The following TP53BP1 variants were observed in gnomAD, a reference collection of about 807,000 sequenced individuals.
TP53BP1 encodes the protein TP53-binding protein 1.
In TP53BP1, 61 loss-of-function variants were observed where a neutral mutation model predicts 200.8. That is an observed-to-expected ratio of 0.30 (90% CI 0.25 to 0.38). The LOEUF (loss-of-function observed/expected upper bound fraction) is 0.38, where lower values mean the gene tolerates loss of function less well. TP53BP1 is among the 10% of genes least tolerant of loss of function. TP53BP1 has a pLI of 1.00. For missense variants in TP53BP1, 2,144 were observed against 2,371.9 expected (o/e 0.90, Z 2.00); for synonymous variants, 822 against 844.3 (o/e 0.97, Z 0.46).
Position 43,406,609 on chromosome 15 carries a change from C to T in TP53BP1, c.*774G>A, listed in dbSNP as rs1251133263. On this transcript the variant is annotated 3_prime_UTR_variant, in exon 28 of 28. Transcript: ENST00000382044. ...TCTTTGACCCTTTACAGAAAAAAAC[C>T]TTGTTGACCCCTGCTTTAGAGAATG... 1 of 455,830 alleles carries T rather than the reference C, an allele frequency of 2.2e-6. No individual in the cohort carries two copies. The highest frequency in any genetic ancestry group is 4.4e-6 in the Non-Finnish European group (1 of 226,758). 28.2% of individuals were successfully genotyped at this position (455,830 alleles called of 1,614,324 possible).
chr15:43,446,643 C>G, intron 13 of TP53BP1, 53 bp from the exon 14 acceptor site: 1 of 1,586,224 alleles, frequency 6.3e-7, no homozygotes, highest in African/African-American at 1.4e-5. Flanking sequence ...AATACAAACA[C>G]AAAAAACAGC....
chr15:43,404,621 G>C lies in TP53BP1; in HGVS notation c.*2762C>G. 1.1e-5 allele frequency: 17 copies of C among 1,528,908 alleles called. No homozygotes were observed. Among genetic ancestry groups the C allele is most frequent in the South Asian group, 2.4e-5 (2 of 84,120 alleles). The allele number at this position is 1,528,908 out of a possible 1,614,324, so 94.7% of individuals were successfully genotyped here. A position where few individuals can be genotyped will look rare whatever the true frequency, so the allele number is the denominator to read the frequency against. ...CTTTTTAATGAGTTGTAGAATTCTA[G>C]AACTGGAAGAAGACTTTAGTCCAAA... On this transcript the variant is annotated 3_prime_UTR_variant, in exon 28 of 28. Coordinates refer to ENST00000382044, the MANE Select transcript of TP53BP1 (RefSeq NM_001141980.3).
intron 27 of TP53BP1, 21 bp from the exon 28 acceptor site, chr15:43,407,591 T>G (rs757581985): frequency 3.1e-6 from 5 of 1,597,996 alleles, no homozygotes; most frequent in African/African-American, 1.3e-5. Flanking sequence ...CAAGGGAAAG[T>G]GAAGAAGGAA....
chr15:43,423,019 A>G (rs1252509188), intron 18 of TP53BP1, among the ~76,000 whole-genome samples: 2 of 150,854 alleles, frequency 1.3e-5, no homozygotes, highest in African/African-American at 2.4e-5. Context: ...AAAAAAGGCT[A>G]AAATAGTATT....
chr15:43,500,811 A>T (rs2079205691), intron 1 of TP53BP1, among the ~76,000 whole-genome samples: 3 of 151,662 alleles, frequency 2.0e-5, no homozygotes, highest in African/African-American at 7.3e-5. Context: ...ACAGAGTGAG[A>T]CTCTGTCTCA....
rs975688051 is a variant in TP53BP1 at position 43,406,196 on chromosome 15, G to A, written c.*1187C>T. ...TAGGGGTTGAAGTTATCTTAATATGGCCCAGCCATCACTGGTAATCAATAT... is the reference window on the plus strand; with the variant it reads ...TAGGGGTTGAAGTTATCTTAATATGACCCAGCCATCACTGGTAATCAATAT... On this transcript the variant is annotated 3_prime_UTR_variant, in exon 28 of 28. Transcript: ENST00000382044. The A allele has an allele frequency of 3.2e-5, 5 of 158,410 alleles. No individual in the cohort carries two copies. The highest frequency in any genetic ancestry group is 1.2e-4 in the African/African-American group (5 of 41,430). 9.8% of individuals were successfully genotyped at this position (158,410 alleles called of 1,614,324 possible).
In TP53BP1 at chr15:43,492,453, G is replaced by A; in HGVS notation, c.23C>T (p.Pro8Leu). The A allele has an allele frequency of 3.1e-6, 5 of 1,613,768 alleles. No individual in the cohort carries two copies. Among genetic ancestry groups the A allele is most frequent in the Non-Finnish European group, 4.2e-6 (5 of 1,179,802 alleles). The change falls in exon 2 of 28, where the codon CCT becomes CTT. Residue 8 changes from proline to leucine, a missense_variant. Around this residue, in one of 4 missense-constraint regions of TP53BP1, gnomAD observed 1,700 missense variants for 1,710.3 expected, o/e 0.99. Coordinates refer to ENST00000382044, the MANE Select transcript of TP53BP1 (RefSeq NM_001141980.3). MPGEQMD[P>L]TGSQLDSDFS... ...ATCTGAATCCAACTGACTTCCAGTA[G>A]GGTCCATCTGCTCCCCTGGAATGGA...
chr15:43,480,977 C>T lies in TP53BP1; in HGVS notation c.417G>A (p.Glu139=). ...CCTTCTGTTCCAACTCTTCTCCCTTCTCTTCCTCCACAGCAGGAGCAGATT... is the reference window on the plus strand; with the variant it reads ...CCTTCTGTTCCAACTCTTCTCCCTTTTCTTCCTCCACAGCAGGAGCAGATT... ...SVESAPAVEE[E]KGEELEQKEK... is the part of the protein sequence containing the mutation. The change falls in exon 5 of 28, where the codon GAG becomes GAA. Residue 139 remains glutamate, a synonymous_variant. Transcript: ENST00000382044. 6.2e-7 allele frequency: 1 copy of T among 1,614,070 alleles called. No individual in the cohort carries two copies. Among genetic ancestry groups the T allele is most frequent in the Non-Finnish European group, 8.5e-7 (1 of 1,179,952 alleles).
chr15:43,445,231 G>C (rs1269435347), intron 14 of TP53BP1, among the ~76,000 whole-genome samples: 1 of 152,026 alleles, frequency 6.6e-6, no homozygotes, highest in Non-Finnish European at 1.5e-5. Flanking sequence ...CACCCCAACT[G>C]CTGCACTGAA....
intron 10 of TP53BP1, among the ~76,000 whole-genome samples, chr15:43,473,045 G>A (rs1039648055): frequency 6.6e-6 from 1 of 152,104 alleles, no homozygotes; most frequent in African/African-American, 2.4e-5. Context: ...AGACCTTCGC[G>A]GTGAGTATTA....
chr15:43,416,677 A>G (rs1008337499), intron 21 of TP53BP1: 3 of 315,630 alleles, frequency 9.5e-6, no homozygotes, highest in Admixed American at 9.4e-5. Context: ...TCCCAAAGAC[A>G]GCCATTGTGG....
intron 14 of TP53BP1, among the ~76,000 whole-genome samples, chr15:43,442,911 C>T (rs942999422): frequency 1.4e-5 from 2 of 147,032 alleles, no homozygotes; most frequent in South Asian, 4.4e-4. Context: ...CTGCAACCTC[C>T]GCCTCTCGGG....
chr15:43,486,545 A>G (rs2079049533), intron 4 of TP53BP1, among the ~76,000 whole-genome samples: 1 of 152,206 alleles, frequency 6.6e-6, no homozygotes, highest in South Asian at 2.1e-4. Flanking sequence ...ATAAACAGTT[A>G]AAGAGAGTTG....
At chr15:43,490,653 G>A (rs886112170) in intron 4 of TP53BP1, among the ~76,000 whole-genome samples, 1 of 152,132 alleles carries the variant, frequency 6.6e-6, no homozygotes, top group African/African-American at 2.4e-5. Context: ...TTGGACCTTA[G>A]AAATATTGGG....
intron 12 of TP53BP1, among the ~76,000 whole-genome samples, chr15:43,455,092 G>T (rs556991190): frequency 6.6e-6 from 1 of 152,220 alleles, no homozygotes; most frequent in African/African-American, 2.4e-5. Context: ...TAAAGAACAA[G>T]AACTAATACA....
In TP53BP1 at chr15:43,416,347, T is replaced by C. The variant is rs370392845; in HGVS notation, c.4751A>G (p.Lys1584Arg). Residue 1584 changes from lysine (K) to arginine (R), a missense_variant, in exon 22 of 28, where the codon AAG becomes AGG. Lys to Arg is a conservative substitution (Grantham distance 26). Around this residue, in one of 4 missense-constraint regions of TP53BP1, gnomAD observed 61 missense variants for 147.5 expected, o/e 0.41. Transcript: ENST00000382044. ...YYSIEKEGQR[K>R]WYKRMAVILS... ...GATGACAGCCATTCGCTTATACCAC[T>C]TTCTTTGGCCTTCTTTTTCAATGCT... is the stretch of plus-strand genomic sequence containing the variant. 1 of 1,614,216 alleles carries C rather than the reference T, an allele frequency of 6.2e-7. No homozygotes were observed. The highest frequency in any genetic ancestry group is 8.5e-7 in the Non-Finnish European group (1 of 1,180,032).
At chr15:43,468,802 G>C (rs1005192122) in intron 11 of TP53BP1, among the ~76,000 whole-genome samples, 5 of 152,190 alleles carry the variant, frequency 3.3e-5, no homozygotes, top group Admixed American at 1.3e-4. Context: ...TGGTCACAAA[G>C]GTAGTAATGA....
At chr15:43,462,975 T>C (rs948168970) in intron 11 of TP53BP1, among the ~76,000 whole-genome samples, 1 of 152,142 alleles carries the variant, frequency 6.6e-6, no homozygotes, top group Non-Finnish European at 1.5e-5. Context: ...GAGAATCACT[T>C]GAACTCAGGA....
intron 26 of TP53BP1, 117 bp from the exon 27 acceptor site, chr15:43,408,205 T>C (rs879624664): frequency 7.5e-6 from 8 of 1,072,464 alleles, no homozygotes; most frequent in African/African-American, 3.2e-5. Flanking sequence ...CCATCAGACA[T>C]AGTGTCTCAA....
Sources: allele counts gnomAD v4.1 joint callset (sites outside exome capture counted in the v4.1 genomes callset), GRCh38; gene constraint gnomAD v4.1.1; regional missense constraint gnomAD v4.1.1; transcripts MANE v1.5; gene names NCBI Gene and HGNC (gene_info 2026-07-23, HGNC 2026-07-21).